The following HK1 variants were observed in gnomAD, a reference collection of about 807,000 sequenced individuals.
The protein encoded by HK1 is hexokinase-1.
Under a neutral mutation model 91.6 loss-of-function variants are expected in HK1, and 28 were observed. The ratio of observed to expected loss-of-function variants is 0.31; its 90% CI spans 0.23 to 0.42. The LOEUF (loss-of-function observed/expected upper bound fraction) is 0.42. Among genes scored for constraint, HK1 ranks in the 10% least tolerant of loss-of-function variants. HK1 has a pLI of 1.00. For missense variants in HK1, 770 were observed against 1,219.8 expected, an observed-to-expected ratio of 0.63 and a Z score of 5.49; for synonymous variants, 430 against 468.1, an observed-to-expected ratio of 0.92 and a Z score of 1.05.
upstream of HK1, chr10:69,318,179 C>T: frequency 1.0e-6 from 1 of 985,464 alleles, no homozygotes; most frequent in South Asian, 4.7e-5. Context: ...AATCTGCCAG[C>T]TGGAGATTAG....
At chr10:69,391,327 C>T (rs540161075) in intron 14 of HK1, among the ~76,000 whole-genome samples, 5 of 152,386 alleles carry the variant, frequency 3.3e-5, no homozygotes, top group African/African-American at 7.2e-5. Context: ...GCATAGTCCA[C>T]GACCAACCAT....
chr10:69,298,588 C>T (rs1355711347), intron 4 of HK1, among the ~76,000 whole-genome samples: 2 of 151,696 alleles, frequency 1.3e-5, no homozygotes, highest in Non-Finnish European at 2.9e-5. Flanking sequence ...GATTTGTGCC[C>T]CTGCACCCCA....
At chr10:69,349,480 G>GTATTTGCTCAGTTTTTACCTACAT (rs1848734053) in intron 2 of HK1, among the ~76,000 whole-genome samples, 1 of 152,228 alleles carries the variant, frequency 6.6e-6, no homozygotes, top group African/African-American at 2.4e-5. Flanking sequence ...AATGGAGCCA[G>GTATTTGCTCAGTTTTTACCTACAT]TCCAAGGACC....
intron 16 of HK1, among the ~76,000 whole-genome samples, chr10:69,396,409 C>G (rs1266302995): frequency 6.6e-6 from 1 of 152,122 alleles, no homozygotes; most frequent in African/African-American, 2.4e-5. Flanking sequence ...AGTACATTCA[C>G]ATAGTCGCAC....
chr10:69,364,698 G>C, intron 3 of HK1, 85 bp from the exon 4 acceptor site: 2 of 1,510,702 alleles, frequency 1.3e-6, no homozygotes, highest in Middle Eastern at 1.7e-4. Flanking sequence ...TCCTTTCTGT[G>C]TGTGTGGGAG....
At chr10:69,348,349 C>G (rs1205694012) in intron 2 of HK1, among the ~76,000 whole-genome samples, 1 of 152,206 alleles carries the variant, frequency 6.6e-6, no homozygotes, top group East Asian at 1.9e-4. Flanking sequence ...TATTTACCTT[C>G]TCTTCTTGCA....
At chr10:69,272,393 T>C (rs1199778013) in intron 1 of HK1, among the ~76,000 whole-genome samples, 1 of 152,226 alleles carries the variant, frequency 6.6e-6, no homozygotes, top group Non-Finnish European at 1.5e-5. Context: ...GAGCTGGCAC[T>C]TATTTAGAGA....
At chr10:69,395,176 G>T in intron 16 of HK1, 71 bp downstream of exon 16, 2 of 1,504,926 alleles carry the variant, frequency 1.3e-6, no homozygotes, top group Non-Finnish European at 1.8e-6. Flanking sequence ...TTGTGATGGG[G>T]GTGGTAGGGA....
chr10:69,384,183 G>A, intron 10 of HK1, 150 bp from the exon 11 acceptor site: 1 of 918,872 alleles, frequency 1.1e-6, no homozygotes, highest in Non-Finnish European at 1.8e-6. Flanking sequence ...CTTCCTCTGA[G>A]TCTGTGCTGT....
At chr10:69,307,995 G>C (rs1351138712) in intron 5 of HK1, among the ~76,000 whole-genome samples, 2 of 151,854 alleles carry the variant, frequency 1.3e-5, no homozygotes. Context: ...CACACCACAC[G>C]CCCAGCTAAT....
At chr10:69,371,320 C>CG (rs1386117576) in intron 7 of HK1, among the ~76,000 whole-genome samples, 1 of 146,760 alleles carries the variant, frequency 6.8e-6, no homozygotes. Context: ...TACCATACCC[C>CG]CCCCCACCCC....
intron 2 of HK1, among the ~76,000 whole-genome samples, chr10:69,284,707 C>T (rs146067582): frequency 5.9e-5 from 9 of 152,126 alleles, no homozygotes; most frequent in Non-Finnish European, 7.4e-5. Flanking sequence ...GGCACAACCT[C>T]GGCTTACTGC....
intron 2 of HK1, among the ~76,000 whole-genome samples, chr10:69,348,585 C>T (rs954916978): frequency 4.6e-5 from 7 of 152,046 alleles, no homozygotes; most frequent in Non-Finnish European, 1.0e-4. Flanking sequence ...CCGAGGCAGG[C>T]GGATCACCTG....
At chr10:69,367,238 G>C (rs747477651) in intron 4 of HK1, among the ~76,000 whole-genome samples, 6 of 152,190 alleles carry the variant, frequency 3.9e-5, no homozygotes, top group African/African-American at 1.4e-4. Flanking sequence ...GGCTGGGCCA[G>C]GGTACTTGCT....
At chr10:69,294,005 G>A (rs1235083106) in intron 3 of HK1, among the ~76,000 whole-genome samples, 17 of 151,840 alleles carry the variant, frequency 1.1e-4, no homozygotes, top group Admixed American at 9.9e-4. Context: ...GGGACTACAG[G>A]CGCCCACCAC....
At chr10:69,374,557 G>A (rs1850186978) in intron 7 of HK1, among the ~76,000 whole-genome samples, 1 of 152,232 alleles carries the variant, frequency 6.6e-6, no homozygotes, top group Non-Finnish European at 1.5e-5. Context: ...TGAGCAGATG[G>A]GAAGCACGCT....
At chr10:69,376,828 T>C in intron 7 of HK1, 106 bp from the exon 8 acceptor site, 3 of 1,386,056 alleles carry the variant, frequency 2.2e-6, no homozygotes, top group Non-Finnish European at 3.1e-6. Flanking sequence ...GGCTGGGGGC[T>C]GGTGAGGGGT....
upstream of HK1, among the ~76,000 whole-genome samples, chr10:69,315,400 G>A (rs1466625139): frequency 1.3e-5 from 2 of 152,156 alleles, no homozygotes; most frequent in Non-Finnish European, 2.9e-5. Flanking sequence ...TGGCAGCCTG[G>A]CACTGGTCAC....
At position 69,392,051 on chromosome 10, in the gene HK1, C is replaced by T. The variant is rs146932467; in HGVS notation, c.2036-74C>T. On this transcript the variant is annotated intron_variant, in intron 14 of 17. Coordinates refer to ENST00000359426, the MANE Select transcript of HK1 (RefSeq NM_000188.3). ...CCCCCTGCCTGTGGAACCTCAGGCC[C>T]CAGACCCCAGGCCCAGTTGCAAGAC... 8.1e-5 allele frequency: 122 copies of T among 1,515,314 alleles called. No homozygotes were observed. The African/African-American group carries it at 1.5e-3, about 18-fold the overall frequency. 93.9% of individuals were successfully genotyped at this position (1,515,314 alleles called of 1,614,324 possible). A position where few individuals can be genotyped will look rare whatever the true frequency, so the allele number is the denominator to read the frequency against.
Sources: gnomAD v4.1 joint callset for allele counts (sites outside exome capture counted in the v4.1 genomes callset) on GRCh38, gnomAD v4.1.1 for gene constraint, MANE v1.5 for transcripts, NCBI Gene and HGNC (gene_info 2026-07-23, HGNC 2026-07-21) for gene names.